SPIDR: variants seen among roughly 807,000 people sequenced by gnomAD.
SPIDR encodes the protein scaffold protein involved in DNA repair.
In SPIDR, 93 loss-of-function variants were observed where a neutral mutation model predicts 104.6. The observed-to-expected ratio is 0.89, with a 90% CI of 0.75 to 1.06. The LOEUF is 1.06. SPIDR is among the 50% of genes least tolerant of loss of function. SPIDR has a pLI of 0.00. For missense variants in SPIDR, 1,154 were observed against 1,111.2 expected (o/e 1.04, Z -0.55); for synonymous variants, 431 against 416.9 (o/e 1.03, Z -0.41).
chr8:47,388,999 A>G (rs985814880), intron 5 of SPIDR, among the ~76,000 whole-genome samples: 5 of 152,190 alleles, frequency 3.3e-5, no homozygotes, highest in African/African-American at 1.2e-4. Context: ...TGTTTGTGAT[A>G]TTTACTCACT....
intron 5 of SPIDR, among the ~76,000 whole-genome samples, chr8:47,300,060 G>C (rs987185240): frequency 1.3e-5 from 2 of 152,166 alleles, no homozygotes; most frequent in African/African-American, 4.8e-5. Context: ...GGTAGAATTT[G>C]GCTGTGAATC....
chr8:47,533,726 C>A (rs1021703432), intron 8 of SPIDR, among the ~76,000 whole-genome samples: 1 of 152,194 alleles, frequency 6.6e-6, no homozygotes, highest in East Asian at 1.9e-4. Context: ...CATACCATCT[C>A]ACACCAGTCA....
chr8:47,689,938 G>C (rs2078390006), intron 11 of SPIDR, among the ~76,000 whole-genome samples: 1 of 152,160 alleles, frequency 6.6e-6, no homozygotes. Context: ...AACAGTTTCA[G>C]TCTTTGAAAC....
intron 8 of SPIDR, among the ~76,000 whole-genome samples, chr8:47,579,221 CAA>C (rs922590291): frequency 2.6e-5 from 4 of 152,116 alleles, no homozygotes; most frequent in Admixed American, 1.3e-4. Flanking sequence ...TGCAGGTGTC[CAA>C]AGTCACAAAC....
intron 6 of SPIDR, among the ~76,000 whole-genome samples, chr8:47,401,541 C>A (rs1436503448): frequency 3.9e-5 from 6 of 152,062 alleles, no homozygotes; most frequent in Non-Finnish European, 7.4e-5. Flanking sequence ...GACTAGCAAA[C>A]TGGATAAAGA....
At chr8:47,664,664 T>C (rs1045787886) in intron 10 of SPIDR, among the ~76,000 whole-genome samples, 2 of 149,242 alleles carry the variant, frequency 1.3e-5, no homozygotes, top group African/African-American at 2.5e-5. Context: ...TCCAAGCATT[T>C]TGGGAGGCCA....
intron 8 of SPIDR, among the ~76,000 whole-genome samples, chr8:47,487,157 T>C (rs1161498381): frequency 1.4e-5 from 2 of 144,466 alleles, no homozygotes; most frequent in African/African-American, 5.2e-5. Flanking sequence ...TGGAGGAAGA[T>C]CTACCAAGCA....
At chr8:47,418,058 G>A (rs1250751773) in intron 7 of SPIDR, among the ~76,000 whole-genome samples, 1 of 152,174 alleles carries the variant, frequency 6.6e-6, no homozygotes, top group Non-Finnish European at 1.5e-5. Flanking sequence ...CAGGTAGCGT[G>A]ATGCCTCCAG....
intron 5 of SPIDR, among the ~76,000 whole-genome samples, chr8:47,302,747 C>G (rs587700999): frequency 6.6e-6 from 1 of 152,178 alleles, no homozygotes; most frequent in Non-Finnish European, 1.5e-5. Flanking sequence ...GCAGCGGAGG[C>G]TGCAGAACAG....
intron 14 of SPIDR, among the ~76,000 whole-genome samples, chr8:47,709,391 CTGCCTCCCA>C (rs1416779965): frequency 8.5e-5 from 13 of 152,130 alleles, no homozygotes; most frequent in African/African-American, 2.4e-4. Context: ...TCACCCGCCT[CTGCCTCCCA>C]AAGTGCTGGG....
At chr8:47,653,570 T>C (rs1311711073) in intron 10 of SPIDR, among the ~76,000 whole-genome samples, 5 of 152,192 alleles carry the variant, frequency 3.3e-5, no homozygotes, top group Non-Finnish European at 7.4e-5. Flanking sequence ...CTTGTATACT[T>C]TGTAGCAATA....
intron 5 of SPIDR, among the ~76,000 whole-genome samples, chr8:47,315,034 A>G (rs2045042448): frequency 6.6e-6 from 1 of 152,192 alleles, no homozygotes; most frequent in African/African-American, 2.4e-5. Flanking sequence ...CTGGAGATAA[A>G]GAAGGGCATT....
intron 5 of SPIDR, among the ~76,000 whole-genome samples, chr8:47,311,494 T>A (rs191232642): frequency 3.9e-5 from 6 of 152,256 alleles, no homozygotes; most frequent in African/African-American, 1.4e-4. Flanking sequence ...AACACTTAAG[T>A]ACATTATAGT....
chr8:47,648,046 G>T (rs2070892493), intron 10 of SPIDR, among the ~76,000 whole-genome samples: 1 of 152,172 alleles, frequency 6.6e-6, no homozygotes, highest in African/African-American at 2.4e-5. Flanking sequence ...TTCCACGTGT[G>T]ATACAAAGCC....
intron 7 of SPIDR, among the ~76,000 whole-genome samples, chr8:47,436,593 G>A (rs1487439820): frequency 6.6e-6 from 1 of 152,166 alleles, no homozygotes; most frequent in Non-Finnish European, 1.5e-5. Flanking sequence ...TGTTATGGTG[G>A]TGCGAGCCTG....
intron 7 of SPIDR, among the ~76,000 whole-genome samples, chr8:47,415,076 T>G (rs1367402340): frequency 6.6e-6 from 1 of 152,116 alleles, no homozygotes; most frequent in Non-Finnish European, 1.5e-5. Context: ...GCTAATTTTT[T>G]GTATTTTTAG....
At chr8:47,652,443 C>T (rs2071833302) in intron 10 of SPIDR, among the ~76,000 whole-genome samples, 1 of 152,182 alleles carries the variant, frequency 6.6e-6, no homozygotes, top group Admixed American at 6.5e-5. Context: ...CTGGGCACGG[C>T]AGGCAGCTCC....
intron 5 of SPIDR, among the ~76,000 whole-genome samples, chr8:47,371,758 C>A (rs900253385): frequency 7.2e-5 from 11 of 152,134 alleles, no homozygotes; most frequent in African/African-American, 2.7e-4. Flanking sequence ...TGAAATAAAG[C>A]CTCTGTCACA....
intron 5 of SPIDR, among the ~76,000 whole-genome samples, chr8:47,337,841 C>A (rs1184748742): frequency 1.3e-5 from 2 of 152,052 alleles, no homozygotes; most frequent in Non-Finnish European, 2.9e-5. Flanking sequence ...GCAGAGTGTT[C>A]TTTTAGTATT....
Sources: gnomAD v4.1 joint callset for allele counts (sites outside exome capture counted in the v4.1 genomes callset) on GRCh38, gnomAD v4.1.1 for gene constraint, MANE v1.5 for transcripts, NCBI Gene and HGNC (gene_info 2026-07-23, HGNC 2026-07-21) for gene names.